The following TTLL8 variants were observed in gnomAD, a reference collection of about 807,000 sequenced individuals.
The protein encoded by TTLL8 is tubulin tyrosine ligase like 8, also known as protein monoglycylase TTLL8.
TTLL8 carries 65 observed loss-of-function variants against 77.8 expected under a neutral mutation model. That is an observed-to-expected ratio of 0.84 (90% CI 0.68 to 1.03). The LOEUF is 1.03. TTLL8 is among the 50% of genes least tolerant of loss of function. The pLI, the probability that TTLL8 is intolerant of heterozygous loss-of-function variation, is 0.00. For synonymous variants in TTLL8, 402 were observed against 422.8 expected, an observed-to-expected ratio of 0.95 and a Z score of 0.60; for missense variants, 910 against 1,004.5, an observed-to-expected ratio of 0.91 and a Z score of 1.27.
At chr22:50,037,173 C>T (rs965984313) in intron 8 of TTLL8, among the ~76,000 whole-genome samples, 1 of 151,980 alleles carries the variant, frequency 6.6e-6, no homozygotes, top group African/African-American at 2.4e-5. Context: ...GTTCCAGCTG[C>T]TCCACACGTT....
At chr22:50,024,706 T>G (rs898461143) in intron 12 of TTLL8, among the ~76,000 whole-genome samples, 2 of 152,070 alleles carry the variant, frequency 1.3e-5, no homozygotes, top group African/African-American at 4.8e-5. Flanking sequence ...AAAGACAAGG[T>G]TGGGAGTTTT....
At chr22:50,033,228 C>G (rs2061310559) in exon 10 of TTLL8, 1 of 1,355,144 alleles carries the variant, frequency 7.4e-7, no homozygotes, top group Non-Finnish European at 9.8e-7. Context: ...GGGAGAAGCG[C>G]TGAGTTGAGA....
At chr22:50,035,540 A>G (rs758344464) in intron 8 of TTLL8, among the ~76,000 whole-genome samples, 2 of 152,162 alleles carry the variant, frequency 1.3e-5, no homozygotes, top group African/African-American at 4.8e-5. Flanking sequence ...ACCGGCTGCC[A>G]CGCCTCCTCC....
intron 6 of TTLL8, among the ~76,000 whole-genome samples, chr22:50,043,868 G>A (rs1450205176): frequency 6.6e-6 from 1 of 152,136 alleles, no homozygotes; most frequent in East Asian, 1.9e-4. Flanking sequence ...TCGGGGGCGG[G>A]GGGATGAAGA....
At chr22:50,043,631 A>C (rs1038362953) in intron 6 of TTLL8, among the ~76,000 whole-genome samples, 2 of 152,106 alleles carry the variant, frequency 1.3e-5, no homozygotes, top group Non-Finnish European at 2.9e-5. Flanking sequence ...CCTTCAGTAG[A>C]TGGATAGATA....
intron 8 of TTLL8, among the ~76,000 whole-genome samples, chr22:50,037,359 C>T (rs901977536): frequency 6.6e-6 from 1 of 152,044 alleles, no homozygotes; most frequent in Admixed American, 6.6e-5. Context: ...AGGCACGCAC[C>T]ACCGCGCCCA....
exon 11 of TTLL8, chr22:50,032,053 C>T (rs780536224): frequency 2.9e-6 from 4 of 1,365,298 alleles, no homozygotes; most frequent in Non-Finnish European, 3.9e-6. Flanking sequence ...CAGGGGGCTG[C>T]GGCCCACATC....
intron 12 of TTLL8, among the ~76,000 whole-genome samples, chr22:50,026,559 G>A (rs548149889): frequency 1.3e-5 from 2 of 152,230 alleles, no homozygotes; most frequent in Admixed American, 6.5e-5. Context: ...AGCGCAGACC[G>A]TGCCGCTCCA....
intron 12 of TTLL8, among the ~76,000 whole-genome samples, chr22:50,025,941 A>G (rs1025032478): frequency 2.0e-5 from 3 of 152,188 alleles, no homozygotes; most frequent in African/African-American, 7.2e-5. Flanking sequence ...TGGGAGTGCA[A>G]AACGCCACAA....
upstream of TTLL8, among the ~76,000 whole-genome samples, chr22:50,055,621 C>T (rs1370856997): frequency 6.7e-6 from 1 of 150,172 alleles, no homozygotes. Context: ...CGCCATTGCA[C>T]TCCAGCATGG....
chr22:50,048,237 G>T (rs1400510801), intron 3 of TTLL8, among the ~76,000 whole-genome samples: 1 of 151,872 alleles, frequency 6.6e-6, no homozygotes, highest in Non-Finnish European at 1.5e-5. Flanking sequence ...CCCCCACCCG[G>T]TAACTGCCAC....
upstream of TTLL8, chr22:50,056,665 A>ACAGGAGG: frequency 1.4e-6 from 1 of 727,736 alleles, no homozygotes; most frequent in Non-Finnish European, 1.7e-6. The surrounding 1 kb of genome is among the most constrained non-coding windows in gnomAD (Gnocchi z 4.1). Context: ...GGATCGGGGT[A>ACAGGAGG]CAGGAGGCAG....
intron 4 of TTLL8, 66 bp from the exon 7 acceptor site, chr22:50,046,036 C>T (rs779503362): frequency 2.0e-4 from 257 of 1,279,842 alleles, no homozygotes; most frequent in Non-Finnish European, 2.4e-4. Flanking sequence ...GCTCACAAGG[C>T]GAGGACGGGC....
chr22:50,042,152 T>C (rs1273255866), intron 6 of TTLL8, among the ~76,000 whole-genome samples: 1 of 152,196 alleles, frequency 6.6e-6, no homozygotes, highest in Non-Finnish European at 1.5e-5. Flanking sequence ...TAAGTTCGAC[T>C]TCATTAAAAT....
At chr22:50,048,493 C>T (rs2061426071) in intron 3 of TTLL8, among the ~76,000 whole-genome samples, 1 of 152,132 alleles carries the variant, frequency 6.6e-6, no homozygotes, top group Non-Finnish European at 1.5e-5. Flanking sequence ...CACCCAGCCA[C>T]ACTGCCCCAA....
At chr22:50,035,533 G>A (rs536493117) in intron 8 of TTLL8, among the ~76,000 whole-genome samples, 4 of 152,288 alleles carry the variant, frequency 2.6e-5, no homozygotes, top group South Asian at 2.1e-4. Context: ...GGCTCTCACC[G>A]GCTGCCACGC....
upstream of TTLL8, among the ~76,000 whole-genome samples, chr22:50,056,207 T>C (rs1285033313): frequency 6.6e-6 from 1 of 152,186 alleles, no homozygotes; most frequent in Non-Finnish European, 1.5e-5. This position sits in a 1 kb window ranked among gnomAD's most constrained non-coding sequence, Gnocchi z 4.1. Context: ...AGAGAATTCC[T>C]GCAAGTCCAT....
intron 12 of TTLL8, among the ~76,000 whole-genome samples, chr22:50,023,555 T>C (rs1045805069): frequency 1.3e-5 from 2 of 151,724 alleles, no homozygotes; most frequent in Non-Finnish European, 2.9e-5. Flanking sequence ...CGTGGTAGTG[T>C]GCGCCTGTCA....
chr22:50,057,973 T>A (rs976036905), upstream of TTLL8, among the ~76,000 whole-genome samples: 2 of 150,680 alleles, frequency 1.3e-5, no homozygotes, highest in African/African-American at 4.9e-5. Flanking sequence ...GCTAGGCGGG[T>A]CTGGGATTCC....
Sources: gnomAD v4.1 joint callset for allele counts (sites outside exome capture counted in the v4.1 genomes callset) on GRCh38, gnomAD v4.1.1 for gene constraint, Gnocchi (gnomAD v3.1) non-coding constraint, MANE v1.5 for transcripts, NCBI Gene and HGNC (gene_info 2026-07-23, HGNC 2026-07-21) for gene names.